ZBTB8A: variants seen among roughly 807,000 people sequenced by gnomAD.
The protein encoded by ZBTB8A is zinc finger and BTB domain-containing protein 8A.
ZBTB8A carries 19 observed loss-of-function variants against 37.8 expected under a neutral mutation model. The ratio of observed to expected loss-of-function variants is 0.50; its 90% CI spans 0.35 to 0.74. The LOEUF is 0.74. Ranked by LOEUF, ZBTB8A falls within the 30% of genes least tolerant of loss-of-function variation. The pLI, the probability that ZBTB8A is intolerant of heterozygous loss-of-function variation, is 0.01. For missense variants in ZBTB8A, 394 were observed against 537.8 expected (o/e 0.73, Z 2.65); for synonymous variants, 181 against 185.2 (o/e 0.98, Z 0.19).
intron 2 of ZBTB8A, among the ~76,000 whole-genome samples, chr1:32,562,170 G>A (rs1202545355): frequency 6.7e-6 from 1 of 148,836 alleles, no homozygotes; most frequent in African/African-American, 2.5e-5. Flanking sequence ...TGCTCAGGCT[G>A]GTCTTGAACT....
chr1:32,600,295 T>C lies in ZBTB8A; in HGVS notation c.1202T>C (p.Leu401Ser). Residue 401 changes from leucine (L) to serine (S), a missense_variant, in exon 5 of 5, where the codon TTG (leucine) becomes TCG (serine). Leu to Ser is a moderately radical substitution (Grantham distance 145). Coordinates refer to ENST00000373510, the MANE Select transcript of ZBTB8A (RefSeq NM_001040441.3). ...GGAGATAAGGATTCCAGATGGCACT[T>C]GAGTGAAGATGAGAATAGATCCTAT... ...SDGDKDSRWH[L>S]SEDENRSYVE... 6.2e-7 allele frequency: 1 copy of C among 1,614,158 alleles called. No individual in the cohort carries two copies. Among genetic ancestry groups the C allele is most frequent in the Non-Finnish European group, 8.5e-7 (1 of 1,180,010 alleles).
intron 2 of ZBTB8A, among the ~76,000 whole-genome samples, chr1:32,556,338 G>C (rs1644202334): frequency 6.6e-6 from 1 of 151,968 alleles, no homozygotes; most frequent in Non-Finnish European, 1.5e-5. Flanking sequence ...AAAGTGCTAG[G>C]ATGACAGGTG....
rs1231511672 is a variant in ZBTB8A at position 32,602,343 on chromosome 1, A to C, written c.*1924A>C. 1.3e-5 allele frequency: 2 copies of C among 152,234 alleles called. No homozygotes were observed. The highest frequency in any genetic ancestry group is 2.4e-5 in the African/African-American group (1 of 41,326). 9.4% of individuals were successfully genotyped at this position (152,234 alleles called of 1,614,324 possible). A position where few individuals can be genotyped will look rare whatever the true frequency, so the allele number is the denominator to read the frequency against. Reference sequence around the variant, plus strand: ...AACTCCGTCTCAAAAAAAAAAAAAAAAAAAACTTCTCCCCTGCATAAATTA... The same window carrying C: ...AACTCCGTCTCAAAAAAAAAAAAAACAAAAACTTCTCCCCTGCATAAATTA... On this transcript the variant is annotated 3_prime_UTR_variant, in exon 5 of 5. Coordinates refer to ENST00000373510, the MANE Select transcript of ZBTB8A (RefSeq NM_001040441.3).
At chr1:32,541,334 T>TC (rs796749505) in intron 1 of ZBTB8A, among the ~76,000 whole-genome samples, 58 of 152,172 alleles carry the variant, frequency 3.8e-4, no homozygotes, top group African/African-American at 1.3e-3. Context: ...TCCCATTGCT[T>TC]CCCCCATGCC....
At chr1:32,539,856 G>A (rs1216865146) in intron 1 of ZBTB8A, among the ~76,000 whole-genome samples, 1 of 97,030 alleles carries the variant, frequency 1.0e-5, no homozygotes, top group Non-Finnish European at 2.2e-5. Context: ...GGAGGCGGCG[G>A]CGGGAAGGCG....
intron 1 of ZBTB8A, among the ~76,000 whole-genome samples, chr1:32,540,778 A>G (rs904491900): frequency 6.6e-6 from 1 of 152,140 alleles, no homozygotes; most frequent in African/African-American, 2.4e-5. Flanking sequence ...AGAGCCCCTC[A>G]CTGATAAGCA....
chr1:32,576,531 C>T (rs1644360261), intron 2 of ZBTB8A, among the ~76,000 whole-genome samples: 1 of 152,118 alleles, frequency 6.6e-6, no homozygotes, highest in Admixed American at 6.6e-5. Context: ...CAAGTTCAAG[C>T]GATTCTTCTG....
chr1:32,596,321 G>C (rs753137554), intron 4 of ZBTB8A, among the ~76,000 whole-genome samples: 1 of 149,272 alleles, frequency 6.7e-6, no homozygotes, highest in Non-Finnish European at 1.5e-5. Context: ...AGTGAGCCGA[G>C]ATTGCATCAC....
At position 32,602,020 on chromosome 1, in the gene ZBTB8A, T is replaced by G. The variant is rs1356515436; in HGVS notation, c.*1601T>G. Reference sequence around the variant, plus strand: ...TTTTCAAAACAAACTTTTCTCCTAGTATACAAAGTTTAAACTTCTCCCCTT... The same window carrying G: ...TTTTCAAAACAAACTTTTCTCCTAGGATACAAAGTTTAAACTTCTCCCCTT... On this transcript the variant is annotated 3_prime_UTR_variant, in exon 5 of 5. Transcript: ENST00000373510. 1 of 176,642 alleles carries G rather than the reference T, an allele frequency of 5.7e-6. No homozygotes were observed. The highest frequency in any genetic ancestry group is 1.2e-5 in the Non-Finnish European group (1 of 84,424). The allele number at this position is 176,642 out of a possible 1,614,324, so 10.9% of individuals were successfully genotyped here.
chr1:32,552,709 G>T (rs1644166736), intron 1 of ZBTB8A, among the ~76,000 whole-genome samples: 1 of 151,510 alleles, frequency 6.6e-6, no homozygotes, highest in Non-Finnish European at 1.5e-5. Flanking sequence ...CTTTTGATTT[G>T]CCATAATATA....
intron 2 of ZBTB8A, among the ~76,000 whole-genome samples, chr1:32,578,864 C>T (rs1211118987): frequency 1.3e-5 from 2 of 152,040 alleles, no homozygotes; most frequent in Admixed American, 6.6e-5. Context: ...CAGCCTCATG[C>T]CATTGTGCCC....
At chr1:32,542,130 CA>C (rs1474898254) in intron 1 of ZBTB8A, among the ~76,000 whole-genome samples, 2 of 152,206 alleles carry the variant, frequency 1.3e-5, no homozygotes, top group Non-Finnish European at 2.9e-5. Context: ...TCAAGGAATA[CA>C]GTTACCACTC....
At chr1:32,594,564 C>A (rs1644515214) in intron 3 of ZBTB8A, among the ~76,000 whole-genome samples, 1 of 152,012 alleles carries the variant, frequency 6.6e-6, no homozygotes, top group Non-Finnish European at 1.5e-5. Context: ...AGTTCAAGAC[C>A]AACCTGACCA....
chr1:32,600,091 A>G lies in ZBTB8A; in HGVS notation c.998A>G (p.His333Arg), dbSNP rs1296609884. The G allele has an allele frequency of 6.2e-7, 1 of 1,610,940 alleles. No homozygotes were observed. Among genetic ancestry groups the G allele is most frequent in the Non-Finnish European group, 8.5e-7 (1 of 1,177,516 alleles). ...DHLSSHFRTI[H>R]QACKLICRKC... ...ACTATTTAAATCTCTACACAGATTC[A>G]CCAGGCATGTAAACTCATCTGCAGA... is the stretch of plus-strand genomic sequence containing the variant. Residue 333 changes from histidine to arginine, a missense_variant, in exon 5 of 5, where the codon CAC becomes CGC. By Grantham distance (29) the His-to-Arg change is conservative. This residue lies in a region of ZBTB8A where 42 missense variants were observed against 96.4 expected (regional missense o/e 0.44). Transcript: ENST00000373510.
intron 2 of ZBTB8A, among the ~76,000 whole-genome samples, chr1:32,583,612 C>T (rs550420944): frequency 6.6e-6 from 1 of 152,108 alleles, no homozygotes; most frequent in Non-Finnish European, 1.5e-5. Flanking sequence ...AATCTGCAGT[C>T]TTTTATTTGG....
Position 32,593,545 on chromosome 1 carries a change from A to G in ZBTB8A, c.614A>G (p.Glu205Gly), listed in dbSNP as rs112184124. ...QPLAKHEPRKESIKKTKHLRL... is the reference protein window; with the variant it reads ...QPLAKHEPRKGSIKKTKHLRL... ...TTGGCCAAGCATGAACCAAGGAAAG[A>G]GTCCATTAAAAAGACCAAACATTTG... Residue 205 changes from glutamate to glycine, a missense_variant, in exon 3 of 5, where the codon GAG becomes GGG. Transcript: ENST00000373510. 2.5e-6 allele frequency: 4 copies of G among 1,614,230 alleles called. No individual in the cohort carries two copies. In the African/African-American group the frequency reaches 4.0e-5, roughly 16 times the overall value.
In ZBTB8A at chr1:32,595,361, G is replaced by A. The variant is rs145856259; in HGVS notation, c.993+138G>A. On this transcript the variant is annotated intron_variant, in intron 4 of 4. Coordinates refer to ENST00000373510, the MANE Select transcript of ZBTB8A (RefSeq NM_001040441.3). ...CAGCTCGCTGCAACCTCTGCCTCCC[G>A]GGTTCAAGCAATTCTCCTGCCTCAG... The A allele has an allele frequency of 2.5e-5, 20 of 805,194 alleles. No homozygotes were observed. The East Asian group carries it at 3.5e-4, about 14-fold the overall frequency. The allele number at this position is 805,194 out of a possible 1,614,324, so 49.9% of individuals were successfully genotyped here.
At chr1:32,600,064 T>A (rs1250468909) in intron 4 of ZBTB8A, 23 bp from the exon 5 acceptor site, 1 of 1,578,850 alleles carries the variant, frequency 6.3e-7, no homozygotes, top group Admixed American at 1.8e-5. Context: ...ATCACTTTTA[T>A]CACTATTTAA....
At chr1:32,567,906 C>T (rs1644295694) in intron 2 of ZBTB8A, among the ~76,000 whole-genome samples, 1 of 150,212 alleles carries the variant, frequency 6.7e-6, no homozygotes, top group Non-Finnish European at 1.5e-5. Flanking sequence ...CTTTGGGAGG[C>T]CGAGGCAGGC....
Sources: gnomAD v4.1 joint callset for allele counts (sites outside exome capture counted in the v4.1 genomes callset) on GRCh38, gnomAD v4.1.1 for gene constraint, gnomAD v4.1.1 regional missense constraint, MANE v1.5 for transcripts, NCBI Gene and HGNC (gene_info 2026-07-23, HGNC 2026-07-21) for gene names.